ARHGEF37: variants seen among roughly 807,000 people sequenced by gnomAD.
ARHGEF37 encodes Rho guanine nucleotide exchange factor (GEF) 37.
A neutral mutation model predicts 71.1 loss-of-function variants in ARHGEF37; 55 were observed. That is an observed-to-expected ratio of 0.77 (90% confidence interval 0.62 to 0.97). ARHGEF37 has a LOEUF of 0.97. Among genes scored for constraint, ARHGEF37 ranks in the 50% least tolerant of loss-of-function variants. ARHGEF37 has a pLI of 0.00. For missense variants in ARHGEF37, 765 were observed against 836.8 expected, an observed-to-expected ratio of 0.91 and a Z score of 1.06; for synonymous variants, 327 against 350.6, an observed-to-expected ratio of 0.93 and a Z score of 0.75.
At chr5:149,609,778 C>T in intron 4 of ARHGEF37, 83 bp downstream of exon 4, 1 of 1,563,218 alleles carries the variant, frequency 6.4e-7, no homozygotes. Context: ...CTTTTTCATG[C>T]CATTCGTGCT....
Position 149,609,603 on chromosome 5 carries a change from T to A in ARHGEF37, c.366T>A (p.Cys122Ter). ...EELEQVYKVY[C>*]ASYDQALLLV... ...TGGAGCAAGTCTATAAGGTCTACTG[T>A]GCCAGCTACGACCAGGCCTTGCTAC... Residue 122 changes from cysteine (C) to a stop codon, truncating the protein, a stop_gained, in exon 4 of 13, where the codon TGT becomes TGA. Transcript: ENST00000333677. LOFTEE classifies it high-confidence loss of function. 6.2e-7 allele frequency: 1 copy of A among 1,613,922 alleles called. No individual in the cohort carries two copies. The highest frequency in any genetic ancestry group is 2.2e-5 in the East Asian group (1 of 44,882).
In ARHGEF37 at chr5:149,616,706, G is replaced by A; in HGVS notation, c.598G>A (p.Val200Ile). Residue 200 changes from valine (V) to isoleucine (I), a missense_variant, in exon 5 of 13, where the codon GTC becomes ATC. Coordinates refer to ENST00000333677, the MANE Select transcript of ARHGEF37 (RefSeq NM_001001669.3). ...ASAYPVLQRA[V>I]SALQDVNTNI... Reference sequence around the variant, plus strand: ...TGCCTATCCTGTCCTTCAGAGGGCTGTCTCTGCCCTCCAGGACGTGAACAC... The same window carrying A: ...TGCCTATCCTGTCCTTCAGAGGGCTATCTCTGCCCTCCAGGACGTGAACAC... 2 of 1,613,914 alleles carry A rather than the reference G, an allele frequency of 1.2e-6. No homozygotes were observed. The highest frequency in any genetic ancestry group is 1.7e-6 in the Non-Finnish European group (2 of 1,179,818).
chr5:149,625,201 G>T (rs1366776220), intron 10 of ARHGEF37, among the ~76,000 whole-genome samples: 1 of 152,102 alleles, frequency 6.6e-6, no homozygotes, highest in East Asian at 1.9e-4. Context: ...CACCACACCT[G>T]GCCCCAAATG....
chr5:149,604,962 C>A (rs936949983), intron 3 of ARHGEF37, among the ~76,000 whole-genome samples: 2 of 151,804 alleles, frequency 1.3e-5, no homozygotes, highest in East Asian at 1.9e-4. Flanking sequence ...CATGGTGGCT[C>A]ACGCCTGTAA....
chr5:149,581,243 C>T (rs1301248533), upstream of ARHGEF37, among the ~76,000 whole-genome samples: 5 of 152,196 alleles, frequency 3.3e-5, no homozygotes, highest in Non-Finnish European at 5.9e-5. Flanking sequence ...GACGAGCCCG[C>T]GGAGAAGGTG....
Position 149,601,116 on chromosome 5 carries a change from G to C in ARHGEF37, c.195G>C (p.Gln65His). Residue 65 changes from glutamine (Q) to histidine (H), a missense_variant, in exon 3 of 13, where the codon CAG becomes CAC. Gln to His is a conservative substitution (Grantham distance 24, BLOSUM62 0). This residue lies in a region of ARHGEF37 where 201 missense variants were observed against 217.5 expected (regional missense o/e 0.92). Coordinates refer to ENST00000333677, the MANE Select transcript of ARHGEF37 (RefSeq NM_001001669.3). ...DIRSRLQQLP[Q>H]GDLDVLFSNI... ...TTCTTTGTTCCTTCCAGTTGCCGCA[G>C]GGAGATCTGGATGTCCTGTTCTCAA... 1 of 1,610,854 alleles carries C rather than the reference G, an allele frequency of 6.2e-7. No individual in the cohort carries two copies. The highest frequency in any genetic ancestry group is 8.5e-7 in the Non-Finnish European group (1 of 1,177,506).
intron 1 of ARHGEF37, among the ~76,000 whole-genome samples, chr5:149,562,697 C>T (rs911943574): frequency 2.6e-5 from 4 of 152,122 alleles, no homozygotes; most frequent in African/African-American, 7.2e-5. Context: ...CCGCCCGCCT[C>T]GGCCTCCCAA....
chr5:149,623,400 A>C (rs1752596060), intron 9 of ARHGEF37, among the ~76,000 whole-genome samples: 1 of 152,160 alleles, frequency 6.6e-6, no homozygotes, highest in Non-Finnish European at 1.5e-5. Flanking sequence ...CTGCAAATTG[A>C]ATTAGGCCTG....
rs1365306145 is a variant in ARHGEF37, at chr5:149,568,981, G to T, written c.-12+16858G>T. ...AAAAAATGTGTATGTATATTTATGT[G>T]TATGAAATCATATAGTATGTGCTCT... On this transcript the variant is annotated intron_variant, in intron 1 of 2. Coordinates refer to the ARHGEF37 transcript ENST00000505810. 2.0e-5 allele frequency among the ~76,000 whole-genome samples: 3 copies of T among 151,932 alleles called. No homozygotes were observed. The South Asian group carries it at 6.2e-4, about 31-fold the overall frequency.
intron 1 of ARHGEF37, among the ~76,000 whole-genome samples, chr5:149,565,334 A>G (rs1762885474): frequency 6.6e-6 from 1 of 152,228 alleles, no homozygotes; most frequent in Non-Finnish European, 1.5e-5. Context: ...TTATAGTTAT[A>G]TCTGCATTGT....
chr5:149,622,083 A>G, intron 9 of ARHGEF37, 21 bp downstream of exon 9: 1 of 1,580,950 alleles, frequency 6.3e-7, no homozygotes, highest in Non-Finnish European at 8.6e-7. Context: ...TGAGACTTGG[A>G]CACCTGTGGG....
intron 1 of ARHGEF37, among the ~76,000 whole-genome samples, chr5:149,587,855 T>A (rs913076204): frequency 6.6e-6 from 1 of 151,702 alleles, no homozygotes; most frequent in Admixed American, 6.6e-5. Flanking sequence ...GGTCCCTATG[T>A]GCACATTCTT....
chr5:149,598,028 T>C, intron 2 of ARHGEF37, 73 bp downstream of exon 2: 2 of 1,483,304 alleles, frequency 1.3e-6, no homozygotes, highest in Non-Finnish European at 1.8e-6. Context: ...AGATTTCTCA[T>C]CCATTCCTGG....
chr5:149,599,599 A>G (rs1580907128), intron 2 of ARHGEF37, among the ~76,000 whole-genome samples: 1 of 152,262 alleles, frequency 6.6e-6, no homozygotes, highest in East Asian at 1.9e-4. Flanking sequence ...CATGACCTAC[A>G]TTCTAACTGT....
rs561105796 is a variant in ARHGEF37 at position 149,586,003 on chromosome 5, T to C, written c.-12+4379T>C. 2.0e-5 allele frequency among the ~76,000 whole-genome samples: 3 copies of C among 152,326 alleles called. No homozygotes were observed. In the South Asian group the frequency reaches 6.2e-4, roughly 32 times the overall value. On this transcript the variant is annotated intron_variant, in intron 1 of 12. Coordinates refer to ENST00000333677, the MANE Select transcript of ARHGEF37 (RefSeq NM_001001669.3). The stretch of plus-strand genomic sequence containing the variant: ...AGTGTTTGCCCATGTCTTTCATTCA[T>C]TAATTCAATTAATTGAGCACCAACT...
At chr5:149,596,587 G>A (rs1002173460) in intron 1 of ARHGEF37, among the ~76,000 whole-genome samples, 2 of 152,234 alleles carry the variant, frequency 1.3e-5, no homozygotes, top group African/African-American at 4.8e-5. Flanking sequence ...TTACAGGCGT[G>A]AGCCACCGCA....
chr5:149,606,588 C>T (rs958834841), intron 3 of ARHGEF37: 3 of 152,204 alleles, frequency 2.0e-5, no homozygotes, highest in Admixed American at 2.0e-4. Flanking sequence ...CACTTCCTCT[C>T]AAGTCCGTCC....
intron 1 of ARHGEF37, among the ~76,000 whole-genome samples, chr5:149,574,323 G>C (rs373162252): frequency 5.9e-5 from 9 of 152,308 alleles, no homozygotes; most frequent in African/African-American, 2.2e-4. Context: ...TACTTGGAAG[G>C]GTACTGATCC....
intron 1 of ARHGEF37, among the ~76,000 whole-genome samples, chr5:149,554,650 T>G (rs1408161607): frequency 6.6e-6 from 1 of 151,622 alleles, no homozygotes. Context: ...CAAAATTGTT[T>G]TTTTTTTTTT....
Sources: allele counts gnomAD v4.1 joint callset (sites outside exome capture counted in the v4.1 genomes callset), GRCh38; gene constraint gnomAD v4.1.1; regional missense constraint gnomAD v4.1.1; transcripts MANE v1.5; gene names NCBI Gene and HGNC (gene_info 2026-07-23, HGNC 2026-07-21).